SLC16A14: variants seen among roughly 807,000 people sequenced by gnomAD.
The protein encoded by SLC16A14 is solute carrier family 16 member 14.
Under a neutral mutation model 35.8 loss-of-function variants are expected in SLC16A14, and 14 were observed. The ratio of observed to expected loss-of-function variants is 0.39; its 90% CI spans 0.26 to 0.61. The LOEUF (loss-of-function observed/expected upper bound fraction) is 0.61. SLC16A14 is among the 20% of genes least tolerant of loss of function. SLC16A14 has a pLI of 0.51. For missense variants in SLC16A14, 533 were observed against 655.0 expected (o/e 0.81, Z 2.03); for synonymous variants, 248 against 258.9 (o/e 0.96, Z 0.40).
Position 230,046,482 on chromosome 2 carries a change from C to T in SLC16A14, c.644G>A (p.Gly215Asp). 1 of 1,611,582 alleles carries T rather than the reference C, an allele frequency of 6.2e-7. No individual in the cohort carries two copies. The highest frequency in any genetic ancestry group is 8.5e-7 in the Non-Finnish European group (1 of 1,178,778). The change falls in exon 4 of 5, where the codon GGT (glycine) becomes GAT (aspartate). Residue 215 changes from glycine (G) to aspartate (D), a missense_variant. Gly to Asp is a moderately conservative substitution (Grantham distance 94, BLOSUM62 -1). Transcript: ENST00000295190. This position sits in a 1 kb window ranked among gnomAD's most constrained non-coding sequence, Gnocchi z 5.0. ...CTCTCCTGGGTCGTTTGGGTTTTTA[C>T]CAGGAGAGAGGGGCCTCATGAGCGC... ...CGALMRPLSP[G>D]KNPNDPGEKD...
chr2:230,052,454 TAA>T (rs1560477434), intron 2 of SLC16A14, among the ~76,000 whole-genome samples: 2 of 151,938 alleles, frequency 1.3e-5, no homozygotes, highest in Non-Finnish European at 2.9e-5. Context: ...GATGAGTGGG[TAA>T]AAAAAAGAAA....
intron 4 of SLC16A14, 70 bp downstream of exon 4, chr2:230,045,675 T>C: frequency 6.5e-7 from 1 of 1,542,064 alleles, no homozygotes; most frequent in Non-Finnish European, 8.9e-7. Flanking sequence ...TTCTTCTTTA[T>C]CTGGGACTTT....
chr2:230,064,765 C>CTTTTTTTT (rs2077778866), intron 1 of SLC16A14, among the ~76,000 whole-genome samples: 1 of 152,036 alleles, frequency 6.6e-6, no homozygotes, highest in Admixed American at 6.6e-5. Flanking sequence ...AATCCCAGCA[C>CTTTTTTTT]TTTGGGAGGC....
chr2:230,044,489 A>AAC (rs1398087009), intron 4 of SLC16A14, among the ~76,000 whole-genome samples: 1 of 150,536 alleles, frequency 6.6e-6, no homozygotes, highest in Non-Finnish European at 1.5e-5. Flanking sequence ...AAAAAAAAAA[A>AAC]AAGTGAAAGG....
At chr2:230,053,474 C>T (rs190184073) in intron 2 of SLC16A14, among the ~76,000 whole-genome samples, 17 of 152,238 alleles carry the variant, frequency 1.1e-4, no homozygotes, top group African/African-American at 3.9e-4. Flanking sequence ...GAATCTTGGA[C>T]CATTTCCCAC....
chr2:230,045,523 G>T, intron 4 of SLC16A14: 1 of 545,344 alleles, frequency 1.8e-6, no homozygotes, highest in Non-Finnish European at 3.3e-6. Context: ...GCGCACCACT[G>T]CACTCCAGCT....
intron 1 of SLC16A14, among the ~76,000 whole-genome samples, chr2:230,060,763 G>T (rs1290758645): frequency 2.0e-5 from 3 of 151,938 alleles, no homozygotes; most frequent in Non-Finnish European, 4.4e-5. Flanking sequence ...GAGAGAGAGA[G>T]ATATTATGAT....
intron 1 of SLC16A14, among the ~76,000 whole-genome samples, chr2:230,067,870 C>T (rs1305420945): frequency 6.6e-6 from 1 of 152,198 alleles, no homozygotes; most frequent in African/African-American, 2.4e-5. Context: ...CTCTGCGCGC[C>T]CTGGGTGCGG....
intron 4 of SLC16A14, among the ~76,000 whole-genome samples, chr2:230,039,857 G>A (rs1265086336): frequency 6.6e-6 from 1 of 152,100 alleles, no homozygotes; most frequent in Non-Finnish European, 1.5e-5. Context: ...TCGAAAATAG[G>A]ACAAAATCCT....
chr2:230,064,432 A>G (rs752972523), intron 1 of SLC16A14, among the ~76,000 whole-genome samples: 3 of 152,168 alleles, frequency 2.0e-5, no homozygotes, highest in East Asian at 1.9e-4. Context: ...AGCGCAGTGC[A>G]GAGCTGCATT....
At chr2:230,063,958 T>C (rs1425292423) in intron 1 of SLC16A14, among the ~76,000 whole-genome samples, 1 of 151,880 alleles carries the variant, frequency 6.6e-6, no homozygotes, top group Non-Finnish European at 1.5e-5. Context: ...GCCAGGCACA[T>C]GTGGTGGCGC....
intron 4 of SLC16A14, among the ~76,000 whole-genome samples, chr2:230,043,584 A>G (rs1375692527): frequency 1.3e-5 from 2 of 152,032 alleles, no homozygotes; most frequent in African/African-American, 4.8e-5. Flanking sequence ...GGGAGAGGGG[A>G]CATCTGAACA....
At chr2:230,059,542 G>T (rs56887438) in intron 1 of SLC16A14, among the ~76,000 whole-genome samples, 176 bp from the exon 2 acceptor site, 72,728 of 151,650 alleles carry the variant, frequency 0.48, 18,030 homozygotes, top group African/African-American at 0.58. Flanking sequence ...TTTCCCAGGA[G>T]CAAGTGCTTC....
chr2:230,065,662 C>T (rs896932755), intron 1 of SLC16A14, among the ~76,000 whole-genome samples: 1 of 152,116 alleles, frequency 6.6e-6, no homozygotes, highest in African/African-American at 2.4e-5. Flanking sequence ...GTTTTGACTA[C>T]TCATGGTTAA....
At position 230,046,764 on chromosome 2, in the gene SLC16A14, T is replaced by C; in HGVS notation, c.404-42A>G. The C allele has an allele frequency of 6.5e-7, 1 of 1,538,104 alleles. No individual in the cohort carries two copies. The highest frequency in any genetic ancestry group is 8.7e-7 in the Non-Finnish European group (1 of 1,149,306). The stretch of plus-strand genomic sequence containing the variant: ...GGGGAAGAAAAGACACAGTGCAACA[T>C]CAGTGGCCATATCCAGAATTCGCAG... On this transcript the variant is annotated intron_variant, in intron 3 of 4. Transcript: ENST00000295190. This position sits in a 1 kb window ranked among gnomAD's most constrained non-coding sequence, Gnocchi z 5.0.
rs747912962 is a variant in SLC16A14, at chr2:230,045,554, C to T, written c.1381+191G>A. The T allele has an allele frequency of 5.6e-5, 37 of 661,216 alleles. No homozygotes were observed. In the East Asian group the frequency reaches 8.6e-4, roughly 15 times the overall value. The allele number at this position is 661,216 out of a possible 1,614,324, so 41.0% of individuals were successfully genotyped here. On this transcript the variant is annotated intron_variant, in intron 4 of 4. Coordinates refer to ENST00000295190, the MANE Select transcript of SLC16A14 (RefSeq NM_152527.5). ...CAGCTGGGGCGATAGAGCGAGACTC[C>T]GTCTTGAAAAAAAAAAAGAAAGAAT...
rs1437076810 is a variant in SLC16A14, at chr2:230,059,125, G to A, written c.228C>T (p.Ser76=). Residue 76 remains serine (S), a synonymous_variant, in exon 2 of 5, where the codon AGC becomes AGT. Transcript: ENST00000295190. ...HQSRGLTAWV[S]SLSMGITLIV... The stretch of plus-strand genomic sequence containing the variant: ...TCAAGGTGATGCCCATGCTGAGGGA[G>A]CTGACCCAGGCGGTCAGGCCGCGGC... The A allele has an allele frequency of 3.1e-6, 5 of 1,613,882 alleles. No homozygotes were observed. The highest frequency in any genetic ancestry group is 2.5e-6 in the Non-Finnish European group (3 of 1,179,838).
At chr2:230,048,658 T>C (rs1378764988) in intron 3 of SLC16A14, among the ~76,000 whole-genome samples, 2 of 152,190 alleles carry the variant, frequency 1.3e-5, no homozygotes, top group African/African-American at 4.8e-5. Context: ...GTGCTGTGGC[T>C]GACACCTGTA....
chr2:230,049,568 C>G (rs1017981083), intron 3 of SLC16A14, among the ~76,000 whole-genome samples, 193 bp downstream of exon 3: 6 of 152,052 alleles, frequency 3.9e-5, no homozygotes, highest in Non-Finnish European at 8.8e-5. Context: ...TAGGTGGGCT[C>G]CCCCCACTTA....
Sources: gnomAD v4.1 joint callset for allele counts (sites outside exome capture counted in the v4.1 genomes callset) on GRCh38, gnomAD v4.1.1 for gene constraint, Gnocchi (gnomAD v3.1) non-coding constraint, MANE v1.5 for transcripts, NCBI Gene and HGNC (gene_info 2026-07-23, HGNC 2026-07-21) for gene names.